ANKS1B: variants seen among roughly 807,000 people sequenced by gnomAD.
The protein encoded by ANKS1B is ankyrin repeat and sterile alpha motif domain-containing protein 1B.
Under a neutral mutation model 148.3 loss-of-function variants are expected in ANKS1B, and 36 were observed. The ratio of observed to expected loss-of-function variants is 0.24; its 90% CI spans 0.19 to 0.32. The LOEUF is 0.32. Ranked by LOEUF, ANKS1B falls within the 10% of genes least tolerant of loss-of-function variation. ANKS1B has a pLI of 1.00. For missense variants in ANKS1B, 1,157 were observed against 1,542.6 expected, an observed-to-expected ratio of 0.75 and a Z score of 4.19; for synonymous variants, 542 against 560.8, an observed-to-expected ratio of 0.97 and a Z score of 0.47.
chr12:99,782,095 T>C lies in ANKS1B; in HGVS notation c.672A>G (p.Thr224=), dbSNP rs752518375. ...CTTCATGAAGTGCACTCCCCTTTTC[T>C]GTCTGGAAAAAAAAAAGTAAGAAAA... ...LEAGMDVSCQ[T]EKGSALHEAA... is the part of the protein sequence containing the mutation. The change falls in exon 5 of 27, where the codon ACA becomes ACG. Residue 224 remains threonine (T), a splice_region_variant and synonymous_variant. Coordinates refer to ENST00000683438, the MANE Select transcript of ANKS1B (RefSeq NM_001352186.2). 5.0e-6 allele frequency: 8 copies of C among 1,595,000 alleles called. No individual in the cohort carries two copies. The highest frequency in any genetic ancestry group is 6.8e-6 in the Non-Finnish European group (8 of 1,171,798).
rs1175380684 is a variant in ANKS1B, at chr12:98,829,811, AAC to A, written c.2887-460_2887-459del. Among the ~76,000 whole-genome samples, 1 of 152,238 alleles carries A rather than the reference AAC, an allele frequency of 6.6e-6. No homozygotes were observed. Among genetic ancestry groups the A allele is most frequent in the African/African-American group, 2.4e-5 (1 of 41,454 alleles). On this transcript the variant is annotated intron_variant, in intron 18 of 26. Transcript: ENST00000683438. The surrounding 1 kb of genome is among the most constrained non-coding windows in gnomAD (Gnocchi z 5.2). ...GGTTGGGAAGAGGACACAGTACGGCAACACAGCATGTCACACGCACAGACTGC... is the reference window on the plus strand; with the variant it reads ...GGTTGGGAAGAGGACACAGTACGGCAACAGCATGTCACACGCACAGACTGC...
intron 9 of ANKS1B, among the ~76,000 whole-genome samples, chr12:99,614,428 CTG>C (rs1380040550): frequency 1.0e-4 from 12 of 115,222 alleles, no homozygotes; most frequent in Non-Finnish European, 1.6e-4. Flanking sequence ...GAGTGAGACT[CTG>C]TGTCAAAAAG....
At chr12:98,905,764 C>T (rs1315770346) in intron 17 of ANKS1B, among the ~76,000 whole-genome samples, 1 of 151,660 alleles carries the variant, frequency 6.6e-6, no homozygotes, top group East Asian at 1.9e-4. Context: ...AAAGCAAGAA[C>T]CTGTCTCAAA....
At chr12:99,471,754 T>C (rs966957883) in intron 10 of ANKS1B, among the ~76,000 whole-genome samples, 1 of 152,102 alleles carries the variant, frequency 6.6e-6, no homozygotes, top group African/African-American at 2.4e-5. Flanking sequence ...AATATGTTGC[T>C]GCTACTCTTC....
intron 15 of ANKS1B, among the ~76,000 whole-genome samples, chr12:99,086,514 A>G (rs2051882394): frequency 1.3e-5 from 2 of 152,170 alleles, no homozygotes; most frequent in Admixed American, 1.3e-4. Context: ...AGAGAGTTAC[A>G]TGCTGAGATT....
chr12:99,790,481 G>A (rs777646535), intron 4 of ANKS1B, among the ~76,000 whole-genome samples: 6 of 152,052 alleles, frequency 3.9e-5, no homozygotes, highest in Admixed American at 2.6e-4. Flanking sequence ...CTGTAATTAC[G>A]GTGTGAAAAC....
chr12:99,195,735 C>T (rs1435419381), intron 14 of ANKS1B, among the ~76,000 whole-genome samples: 2 of 152,040 alleles, frequency 1.3e-5, no homozygotes, highest in African/African-American at 4.8e-5. Context: ...CTAAATGACA[C>T]ACTTTGCTCC....
At chr12:99,815,384 A>G (rs977282591) in intron 2 of ANKS1B, among the ~76,000 whole-genome samples, 1 of 151,854 alleles carries the variant, frequency 6.6e-6, no homozygotes, top group African/African-American at 2.4e-5. Context: ...CCTTTGGAAA[A>G]CACTAAGATC....
intron 1 of ANKS1B, among the ~76,000 whole-genome samples, chr12:99,967,531 G>A (rs60341635): frequency 0.21 from 31,386 of 151,866 alleles, 3,524 homozygotes; most frequent in African/African-American, 0.25. Flanking sequence ...CAATCCTCCC[G>A]CCTCAGCCTC....
In ANKS1B at chr12:99,798,404, C is replaced by T. The variant is rs7297343; in HGVS notation, c.669+8000G>A. On this transcript the variant is annotated intron_variant, in intron 4 of 26. Transcript: ENST00000683438. ...TAGTACCCTGTTTGGTACTTAGCCACGTGGGCACCTCTTGGAATTAAAAAA... is the reference window on the plus strand; with the variant it reads ...TAGTACCCTGTTTGGTACTTAGCCATGTGGGCACCTCTTGGAATTAAAAAA... Among the ~76,000 whole-genome samples, 191 of 143,370 alleles carry T rather than the reference C, an allele frequency of 1.3e-3. 2 individuals are homozygous for T. Among genetic ancestry groups the T allele is most frequent in the African/African-American group, 4.9e-3 (187 of 38,554 alleles). 94.1% of individuals were successfully genotyped at this position (143,370 alleles called of 152,430 possible). A position where few individuals can be genotyped will look rare whatever the true frequency, so the allele number is the denominator to read the frequency against.
chr12:99,394,550 T>A (rs1384679295), intron 12 of ANKS1B, among the ~76,000 whole-genome samples: 1 of 151,904 alleles, frequency 6.6e-6, no homozygotes, highest in Admixed American at 6.6e-5. Flanking sequence ...TATTGTTAAA[T>A]CCATGAACCT....
intron 9 of ANKS1B, among the ~76,000 whole-genome samples, chr12:99,579,257 C>T (rs1718466959): frequency 6.6e-6 from 1 of 152,040 alleles, no homozygotes; most frequent in South Asian, 2.1e-4. Flanking sequence ...TAGAAGAAAA[C>T]CTGGGACGTA....
intron 14 of ANKS1B, among the ~76,000 whole-genome samples, chr12:99,172,646 T>C (rs1266300832): frequency 6.6e-6 from 1 of 152,182 alleles, no homozygotes; most frequent in Non-Finnish European, 1.5e-5. Flanking sequence ...TAATGTTGGT[T>C]CAAACTTAGC....
intron 17 of ANKS1B, among the ~76,000 whole-genome samples, chr12:99,047,250 A>G (rs1368491869): frequency 6.6e-6 from 1 of 152,130 alleles, no homozygotes. Flanking sequence ...AAATACAAAA[A>G]TTAGCCAGAT....
chr12:99,637,282 G>A (rs909947538), intron 9 of ANKS1B, among the ~76,000 whole-genome samples: 5 of 152,180 alleles, frequency 3.3e-5, no homozygotes, highest in Non-Finnish European at 7.3e-5. Context: ...TCCAGCTTGG[G>A]CAGCAAAGTG....
At chr12:98,794,523 C>G (rs2098929740) in intron 22 of ANKS1B, 2 of 617,568 alleles carry the variant, frequency 3.2e-6, no homozygotes, top group East Asian at 5.5e-5. Flanking sequence ...TGGGGCCCAT[C>G]CACCCTGGCC....
chr12:99,032,153 C>T (rs1294133054), intron 17 of ANKS1B, among the ~76,000 whole-genome samples: 2 of 152,152 alleles, frequency 1.3e-5, no homozygotes, highest in African/African-American at 4.8e-5. Context: ...CTGAGGATGG[C>T]CTCCATTTAT....
rs183392384 is a variant in ANKS1B, at chr12:99,593,468, G to T, written c.1272+61599C>A. Among the ~76,000 whole-genome samples the T allele has an allele frequency of 1.5e-3, 229 of 152,148 alleles. 1 individual carries two copies. The highest frequency in any genetic ancestry group is 3.4e-3 in the Middle Eastern group (1 of 294). On this transcript the variant is annotated intron_variant, in intron 9 of 26. Coordinates refer to ENST00000683438, the MANE Select transcript of ANKS1B (RefSeq NM_001352186.2). ...TAAACTTACTTCATTAAGGAAATGG[G>T]TAGGCATCAAGGAATGAACATTCTC...
chr12:99,493,695 T>G (rs951011099), intron 10 of ANKS1B, among the ~76,000 whole-genome samples: 1 of 152,112 alleles, frequency 6.6e-6, no homozygotes, highest in Non-Finnish European at 1.5e-5. Flanking sequence ...TTTACTGAGA[T>G]GAGAAATTCA....
Sources: gnomAD v4.1 joint callset for allele counts (sites outside exome capture counted in the v4.1 genomes callset) on GRCh38, gnomAD v4.1.1 for gene constraint, Gnocchi (gnomAD v3.1) non-coding constraint, MANE v1.5 for transcripts, NCBI Gene and HGNC (gene_info 2026-07-23, HGNC 2026-07-21) for gene names.